The following CCDC192 variants were observed in gnomAD, a reference collection of about 807,000 sequenced individuals.
CCDC192 encodes the protein coiled-coil domain containing 192.
At chr5:127,923,703 C>G (rs889974678) in intron 6 of CCDC192, among the ~76,000 whole-genome samples, 2 of 151,988 alleles carry the variant, frequency 1.3e-5, no homozygotes, top group African/African-American at 4.8e-5. Flanking sequence ...CCAATCATGG[C>G]ATTGATTTTT....
intron 6 of CCDC192, among the ~76,000 whole-genome samples, chr5:127,909,630 G>GAA (rs529431358): frequency 8.8e-5 from 13 of 148,146 alleles, no homozygotes; most frequent in Non-Finnish European, 6.0e-5. Flanking sequence ...CTAGTTAATG[G>GAA]AAAAAAAAAA....
At chr5:127,702,812 G>A (rs1184402433), upstream of CCDC192, among the ~76,000 whole-genome samples, 1 of 152,238 alleles carries the variant, frequency 6.6e-6, no homozygotes, top group African/African-American at 2.4e-5. Context: ...ACAGCAACTG[G>A]CTGGGAGAAA....
chr5:127,789,425 A>C (rs1211628612), intron 3 of CCDC192, among the ~76,000 whole-genome samples: 1 of 152,254 alleles, frequency 6.6e-6, no homozygotes, highest in Non-Finnish European at 1.5e-5. Flanking sequence ...TGTCATTGGA[A>C]TCCAGAGGAA....
intron 2 of CCDC192, among the ~76,000 whole-genome samples, chr5:127,715,168 T>A (rs879513196): frequency 3.3e-5 from 5 of 152,188 alleles, no homozygotes; most frequent in Non-Finnish European, 5.9e-5. Flanking sequence ...GTTACACATG[T>A]TTTTGAGGTC....
chr5:127,770,413 A>G (rs992395305), intron 3 of CCDC192, among the ~76,000 whole-genome samples: 2 of 152,228 alleles, frequency 1.3e-5, no homozygotes, highest in Non-Finnish European at 2.9e-5. Context: ...CCATGGAAGT[A>G]AAGGACAAAG....
At chr5:127,737,606 G>A (rs1086474) in intron 2 of CCDC192, among the ~76,000 whole-genome samples, 45,373 of 151,302 alleles carry the variant, frequency 0.3, 7,270 homozygotes, top group South Asian at 0.43. Flanking sequence ...TTATGAATCT[G>A]GGTGCTCCTG....
chr5:127,720,652 C>G lies in CCDC192; in HGVS notation c.114+12892C>G, dbSNP rs376197546. On this transcript the variant is annotated intron_variant, in intron 2 of 6. Transcript: ENST00000514853. Reference sequence around the variant, plus strand: ...CCTCCACACTGCCCTAGTAGAGGTTCTCCATGAGGGCTTTGGCCCTGCAGC... The same window carrying G: ...CCTCCACACTGCCCTAGTAGAGGTTGTCCATGAGGGCTTTGGCCCTGCAGC... Among the ~76,000 whole-genome samples, 21 of 152,356 alleles carry G rather than the reference C, an allele frequency of 1.4e-4. No homozygotes were observed. In the South Asian group the frequency reaches 2.3e-3, roughly 17 times the overall value.
chr5:127,769,920 G>A (rs1216374877), intron 3 of CCDC192, among the ~76,000 whole-genome samples: 1 of 152,062 alleles, frequency 6.6e-6, no homozygotes, highest in African/African-American at 2.4e-5. Context: ...CATAGTGAGA[G>A]AAAGATATAG....
chr5:127,850,999 T>C (rs1410007189), intron 5 of CCDC192, among the ~76,000 whole-genome samples: 1 of 151,588 alleles, frequency 6.6e-6, no homozygotes, highest in African/African-American at 2.4e-5. Flanking sequence ...AAACAAAGCA[T>C]CAGAAGCAGA....
At chr5:127,859,642 C>T (rs1429938316) in intron 5 of CCDC192, among the ~76,000 whole-genome samples, 1 of 152,092 alleles carries the variant, frequency 6.6e-6, no homozygotes, top group Non-Finnish European at 1.5e-5. Context: ...ATTTTTACTT[C>T]AAAAATAGCT....
At chr5:127,785,253 A>G (rs747647986) in intron 3 of CCDC192, 6 of 510,372 alleles carry the variant, frequency 1.2e-5, no homozygotes, top group Non-Finnish European at 2.4e-5. Context: ...TGAATTGCCG[A>G]TAACTACATT....
chr5:127,873,241 T>C (rs1215766377), intron 5 of CCDC192, among the ~76,000 whole-genome samples: 1 of 152,240 alleles, frequency 6.6e-6, no homozygotes, highest in East Asian at 1.9e-4. Flanking sequence ...GAAAAATACA[T>C]ATCTGCATAT....
At chr5:127,810,783 C>T (rs1758037972) in intron 5 of CCDC192, among the ~76,000 whole-genome samples, 2 of 152,112 alleles carry the variant, frequency 1.3e-5, no homozygotes, top group African/African-American at 4.8e-5. Flanking sequence ...TCAAATCTGA[C>T]TCAGGCTCCA....
chr5:127,861,429 C>A (rs539503710), intron 5 of CCDC192, among the ~76,000 whole-genome samples: 218 of 151,034 alleles, frequency 1.4e-3, no homozygotes, highest in African/African-American at 4.3e-3. Context: ...CCGAGGTGGG[C>A]AGATCACCTG....
At chr5:127,708,623 A>G (rs1751105244) in intron 2 of CCDC192, among the ~76,000 whole-genome samples, 1 of 152,054 alleles carries the variant, frequency 6.6e-6, no homozygotes. Flanking sequence ...GCCATCTCCA[A>G]CCTTTGTGAT....
intron 5 of CCDC192, among the ~76,000 whole-genome samples, chr5:127,873,557 G>C (rs1751946792): frequency 6.6e-6 from 1 of 152,154 alleles, no homozygotes; most frequent in Non-Finnish European, 1.5e-5. Context: ...TAACATTTCA[G>C]CACACATATT....
At chr5:127,784,137 G>A (rs1016142831) in intron 3 of CCDC192, among the ~76,000 whole-genome samples, 1 of 152,136 alleles carries the variant, frequency 6.6e-6, no homozygotes, top group African/African-American at 2.4e-5. Flanking sequence ...TTCAATGTTA[G>A]TATTGAGATG....
chr5:127,832,980 G>T (rs1385914694), intron 5 of CCDC192, among the ~76,000 whole-genome samples: 3 of 152,196 alleles, frequency 2.0e-5, no homozygotes, highest in Admixed American at 6.5e-5. Flanking sequence ...GAGTTATTCT[G>T]CAGGCTGATA....
intron 6 of CCDC192, among the ~76,000 whole-genome samples, chr5:127,900,701 A>C (rs1753013882): frequency 6.6e-6 from 1 of 152,192 alleles, no homozygotes; most frequent in African/African-American, 2.4e-5. Context: ...AATTAAATTA[A>C]ATTGACAATG....
Sources: gnomAD v4.1 joint callset for allele counts (sites outside exome capture counted in the v4.1 genomes callset) on GRCh38, gnomAD v4.1.1 for gene constraint, MANE v1.5 for transcripts, NCBI Gene and HGNC (gene_info 2026-07-23, HGNC 2026-07-21) for gene names.